The following XPO7 variants were observed in gnomAD, a reference collection of about 807,000 sequenced individuals.
XPO7 encodes the protein exportin-7.
XPO7 carries 21 observed loss-of-function variants against 144.3 expected under a neutral mutation model. The observed-to-expected ratio is 0.15, with a 90% CI of 0.10 to 0.21. The LOEUF is 0.21. Ranked by LOEUF, XPO7 falls within the 10% of genes least tolerant of loss-of-function variation. The pLI, the probability that XPO7 is intolerant of heterozygous loss-of-function variation, is 1.00. For missense variants in XPO7, 808 were observed against 1,325.8 expected (o/e 0.61, Z 6.06); for synonymous variants, 580 against 499.6 (o/e 1.16, Z -2.15).
In XPO7 at chr8:22,003,603, T is replaced by TA. The variant is rs139924618; in HGVS notation, c.3042+288dup. 4.2e-4 allele frequency among the ~76,000 whole-genome samples: 64 copies of TA among 152,338 alleles called. No homozygotes were observed. In the East Asian group the frequency reaches 0.012, roughly 28 times the overall value. On this transcript the variant is annotated intron_variant, in intron 26 of 27. Coordinates refer to ENST00000252512, the MANE Select transcript of XPO7 (RefSeq NM_015024.5). ...TAATGTACCTGGGTATCAGAGGACCTAAGACCTAAGTTCTAGTTCTAGCTC... is the reference window on the plus strand; with the variant it reads ...TAATGTACCTGGGTATCAGAGGACCTAAAGACCTAAGTTCTAGTTCTAGCTC...
intron 1 of XPO7, among the ~76,000 whole-genome samples, chr8:21,928,189 A>G (rs565616045): frequency 4.6e-5 from 7 of 152,330 alleles, no homozygotes; most frequent in Middle Eastern, 3.4e-3. Context: ...GACTTACTGT[A>G]TACTCTTGTT....
intron 11 of XPO7, among the ~76,000 whole-genome samples, chr8:21,983,428 G>C (rs972851768): frequency 6.6e-6 from 1 of 152,332 alleles, no homozygotes; most frequent in Middle Eastern, 3.4e-3. Context: ...TGTTTGTCAA[G>C]AGAATTTACT....
chr8:22,003,960 G>A lies in XPO7; in HGVS notation c.3100G>A (p.Ala1034Thr). Residue 1034 changes from alanine (A) to threonine (T), a missense_variant, in exon 27 of 28, where the codon GCC becomes ACC. Physicochemically the swap from Ala to Thr is moderately conservative, Grantham distance 58 (BLOSUM62 0). Transcript: ENST00000252512. ...CAGCCAGCCACCGGAGAAGCAGCAG[G>A]CCATGCACCTGTGTTTTGAGAACCT... ...VNSQPPEKQQAMHLCFENLME... is the reference protein window; with the variant it reads ...VNSQPPEKQQTMHLCFENLME... The A allele has an allele frequency of 1.9e-6, 3 of 1,613,912 alleles. No individual in the cohort carries two copies. Among genetic ancestry groups the A allele is most frequent in the East Asian group, 2.2e-5 (1 of 44,880 alleles).
At chr8:21,924,203 T>C (rs1477389600) in intron 1 of XPO7, among the ~76,000 whole-genome samples, 1 of 152,234 alleles carries the variant, frequency 6.6e-6, no homozygotes, top group Non-Finnish European at 1.5e-5. Context: ...GTGCATCATT[T>C]TTAAGGACTT....
intron 1 of XPO7, among the ~76,000 whole-genome samples, chr8:21,954,297 G>A (rs1030103320): frequency 1.1e-4 from 17 of 152,076 alleles, no homozygotes; most frequent in Admixed American, 2.6e-4. Context: ...CCAATAATCC[G>A]GTTTGAATGT....
At chr8:21,957,318 T>A (rs1262985014) in intron 1 of XPO7, among the ~76,000 whole-genome samples, 1 of 152,190 alleles carries the variant, frequency 6.6e-6, no homozygotes, top group East Asian at 1.9e-4. Context: ...AGGAGGACTA[T>A]CTGGGAATCT....
chr8:21,945,367 T>G (rs1329657894), intron 1 of XPO7, among the ~76,000 whole-genome samples: 2 of 152,246 alleles, frequency 1.3e-5, no homozygotes, highest in Non-Finnish European at 2.9e-5. Flanking sequence ...GGGGGTAGAT[T>G]ATTTGATAAG....
At chr8:21,954,949 T>C (rs1256835454) in intron 1 of XPO7, among the ~76,000 whole-genome samples, 1 of 152,232 alleles carries the variant, frequency 6.6e-6, no homozygotes, top group African/African-American at 2.4e-5. Flanking sequence ...AGATGTTGGT[T>C]AACATTCTTA....
At chr8:21,986,135 CTTT>C (rs573860240) in intron 13 of XPO7, among the ~76,000 whole-genome samples, 2 of 132,246 alleles carry the variant, frequency 1.5e-5, no homozygotes, top group Non-Finnish European at 1.6e-5. Flanking sequence ...TTTATCAAAA[CTTT>C]TTTTTTTTTT....
chr8:21,965,971 G>A (rs1288826022), intron 1 of XPO7, among the ~76,000 whole-genome samples: 5 of 98,800 alleles, frequency 5.1e-5, no homozygotes, highest in Non-Finnish European at 1.0e-4. Flanking sequence ...GCTAACAGAT[G>A]TTTACTCTCC....
chr8:21,990,795 T>G lies in XPO7; in HGVS notation c.1933-16T>G, dbSNP rs566337224. 6.2e-7 allele frequency: 1 copy of G among 1,613,334 alleles called. No individual in the cohort carries two copies. The highest frequency in any genetic ancestry group is 1.3e-5 in the African/African-American group (1 of 75,024). The stretch of plus-strand genomic sequence containing the variant: ...CTCATGTTTTTACCTTTAACTTCTT[T>G]TCTTTTTTTCAATAGAGCGAGCACT... On this transcript the variant is annotated splice_polypyrimidine_tract_variant and intron_variant, in intron 17 of 27. Coordinates refer to ENST00000252512, the MANE Select transcript of XPO7 (RefSeq NM_015024.5).
At chr8:21,939,614 A>G (rs929778191) in intron 1 of XPO7, among the ~76,000 whole-genome samples, 2 of 152,260 alleles carry the variant, frequency 1.3e-5, no homozygotes, top group African/African-American at 4.8e-5. Flanking sequence ...AGATTCTTGT[A>G]GAATACTTGT....
At chr8:22,003,138 C>A in intron 25 of XPO7, 81 bp from the exon 26 acceptor site, 1 of 1,078,756 alleles carries the variant, frequency 9.3e-7, no homozygotes, top group Non-Finnish European at 1.4e-6. Flanking sequence ...GCCTAATATA[C>A]TCCTGTATTT....
chr8:21,923,545 A>G (rs1377911828), intron 1 of XPO7, among the ~76,000 whole-genome samples: 1 of 152,248 alleles, frequency 6.6e-6, no homozygotes. Context: ...TGACTTTAGT[A>G]TATTTCCTGA....
At position 21,989,821 on chromosome 8, in the gene XPO7, C is replaced by CTTTTTTTTTTTTTTTTTT. The variant is rs1170364778; in HGVS notation, c.1869-494_1869-477dup. On this transcript the variant is annotated intron_variant, in intron 16 of 27. Coordinates refer to ENST00000252512, the MANE Select transcript of XPO7 (RefSeq NM_015024.5). Reference sequence around the variant, plus strand: ...AATAGGAGTTTGGTATAGGTGTTTCCTTTTTTTTTTTTTTTTTTTTTTTTT... The same window carrying CTTTTTTTTTTTTTTTTTT: ...AATAGGAGTTTGGTATAGGTGTTTCCTTTTTTTTTTTTTTTTTTTTTTTTTTTTTTTTTTTTTTTTTTT... Among the ~76,000 whole-genome samples the CTTTTTTTTTTTTTTTTTT allele has an allele frequency of 3.7e-3, 222 of 59,712 alleles. 70 individuals are homozygous for CTTTTTTTTTTTTTTTTTT. The highest frequency in any genetic ancestry group is 6.0e-3 in the Non-Finnish European group (166 of 27,890). 39.2% of individuals were successfully genotyped at this position (59,712 alleles called of 152,430 possible).
intron 21 of XPO7, among the ~76,000 whole-genome samples, chr8:21,998,327 GC>G (rs1813021758): frequency 6.6e-6 from 1 of 152,182 alleles, no homozygotes; most frequent in African/African-American, 2.4e-5. Flanking sequence ...TGTAGTCCCA[GC>G]TACTTGGGAG....
intron 1 of XPO7, among the ~76,000 whole-genome samples, chr8:21,947,233 T>C (rs967491522): frequency 1.2e-4 from 18 of 151,986 alleles, no homozygotes; most frequent in African/African-American, 4.1e-4. Context: ...CTGATGGGAG[T>C]TTATCTTCTA....
rs771291567 is a variant in XPO7, at chr8:21,919,802, CGGGG to C, written c.18+18_18+21del. 2.0e-6 allele frequency: 1 copy of C among 504,058 alleles called. No individual in the cohort carries two copies. The highest frequency in any genetic ancestry group is 2.1e-5 in the African/African-American group (1 of 48,438). The allele number at this position is 504,058 out of a possible 1,614,324, so 31.2% of individuals were successfully genotyped here. A position where few individuals can be genotyped will look rare whatever the true frequency, so the allele number is the denominator to read the frequency against. On this transcript the variant is annotated intron_variant, in intron 1 of 27. Transcript: ENST00000252512. ...GATCATGTGCAGGTGAGAGGAGCCG[CGGGG>C]GGGAGGGGGCGACCACGAAGAGCGG...
At chr8:21,972,149 A>AGG (rs1420207157) in intron 5 of XPO7, among the ~76,000 whole-genome samples, 1 of 149,552 alleles carries the variant, frequency 6.7e-6, no homozygotes, top group Non-Finnish European at 1.5e-5. Flanking sequence ...TTCTGTCTCC[A>AGG]GGTTGTTTTC....
Sources: gnomAD v4.1 joint callset for allele counts (sites outside exome capture counted in the v4.1 genomes callset) on GRCh38, gnomAD v4.1.1 for gene constraint, MANE v1.5 for transcripts, NCBI Gene and HGNC (gene_info 2026-07-23, HGNC 2026-07-21) for gene names.